DCLRE1C: variants seen among roughly 807,000 people sequenced by gnomAD.
DCLRE1C encodes DNA cross-link repair 1C.
DCLRE1C carries 47 observed loss-of-function variants against 61.4 expected under a neutral mutation model. The observed-to-expected ratio is 0.77, with a 90% CI of 0.61 to 0.98. The LOEUF is 0.98. Among genes scored for constraint, DCLRE1C ranks in the 50% least tolerant of loss-of-function variants. The pLI is 0.00. For missense variants in DCLRE1C, 858 were observed against 816.0 expected, an observed-to-expected ratio of 1.05 and a Z score of -0.63; for synonymous variants, 337 against 287.6, an observed-to-expected ratio of 1.17 and a Z score of -1.74.
intron 1 of DCLRE1C, 106 bp downstream of exon 1, chr10:14,953,796 G>C (rs191641049): frequency 1.3e-5 from 20 of 1,526,124 alleles, no homozygotes; most frequent in Middle Eastern, 2.1e-4. Context: ...CCGCCCCCTC[G>C]CTGGCTTCCC....
intron 13 of DCLRE1C, 78 bp from the exon 14 acceptor site, chr10:14,909,408 T>C: frequency 7.4e-7 from 1 of 1,349,710 alleles, no homozygotes; most frequent in Non-Finnish European, 1.0e-6. Flanking sequence ...TACTTTTAAT[T>C]CTTGGAATTG....
intron 13 of DCLRE1C, among the ~76,000 whole-genome samples, chr10:14,915,906 T>A (rs936255111): frequency 1.3e-5 from 2 of 152,178 alleles, no homozygotes; most frequent in African/African-American, 4.8e-5. Flanking sequence ...AAGGATAATA[T>A]GCCATGACTA....
At chr10:14,954,149 G>C (rs1227117608), upstream of DCLRE1C, 7 of 1,459,348 alleles carry the variant, frequency 4.8e-6, no homozygotes, top group Non-Finnish European at 5.6e-6. Context: ...AATCAGAGGA[G>C]TCCGGAGACC....
intron 11 of DCLRE1C, among the ~76,000 whole-genome samples, chr10:14,924,241 G>T (rs1395360277): frequency 6.6e-6 from 1 of 152,252 alleles, no homozygotes; most frequent in Non-Finnish European, 1.5e-5. Flanking sequence ...TATGTGGCCA[G>T]TGAGGGTTGA....
chr10:14,928,713 A>G (rs1363403113), intron 9 of DCLRE1C, among the ~76,000 whole-genome samples: 1 of 152,028 alleles, frequency 6.6e-6, no homozygotes, highest in African/African-American at 2.4e-5. Flanking sequence ...GGAGTTGGTT[A>G]TAAGTACAGA....
rs766699328 is a variant in DCLRE1C, at chr10:14,934,472, G to A, written c.586C>T (p.Arg196Trp). Residue 196 changes from arginine to tryptophan, a missense_variant, in exon 8 of 14, where the codon CGG becomes TGG. Transcript: ENST00000378278. ...VLELVRSWIT[R>W]SPYHVVWLNC... ...AGCCACACAACATGGTACGGGCTCCGAGTGATCCAGCTTCGGACCAGCTCT... is the reference window on the plus strand; with the variant it reads ...AGCCACACAACATGGTACGGGCTCCAAGTGATCCAGCTTCGGACCAGCTCT... The A allele has an allele frequency of 1.2e-5, 19 of 1,614,008 alleles. No individual in the cohort carries two copies. Among genetic ancestry groups the A allele is most frequent in the Admixed American group, 6.7e-5 (4 of 59,978 alleles).
intron 9 of DCLRE1C, among the ~76,000 whole-genome samples, chr10:14,931,610 C>G (rs1234882549): frequency 2.0e-5 from 3 of 151,862 alleles, no homozygotes; most frequent in African/African-American, 7.3e-5. Flanking sequence ...ATGTGACTTG[C>G]AAAGACACTG....
chr10:14,936,646 C>G, intron 4 of DCLRE1C, 53 bp from the exon 5 acceptor site: 2 of 1,305,936 alleles, frequency 1.5e-6, no homozygotes, highest in South Asian at 2.4e-5. Flanking sequence ...TCATTAGGAC[C>G]TAGCTCAACA....
At position 14,908,165 on chromosome 10, in the gene DCLRE1C, CTTTTTTTTTTTT is replaced by C. The variant is rs750020058; in HGVS notation, c.*231_*242del. 3 of 197,856 alleles carry C rather than the reference CTTTTTTTTTTTT, an allele frequency of 1.5e-5. No homozygotes were observed. Among genetic ancestry groups the C allele is most frequent in the East Asian group, 3.5e-4 (2 of 5,634 alleles). 12.3% of individuals were successfully genotyped at this position (197,856 alleles called of 1,614,324 possible). On this transcript the variant is annotated 3_prime_UTR_variant, in exon 14 of 14. Coordinates refer to ENST00000378278, the MANE Select transcript of DCLRE1C (RefSeq NM_001033855.3). ...CAGAGTAGCCCACCACCATGCCTGG[CTTTTTTTTTTTT>C]TTTTTTTTTTGTAAGTAGAGACACA...
In DCLRE1C at chr10:14,908,973, TCCAAACTC is replaced by T; in HGVS notation, c.1506_1513del (p.Ser503LysfsTer19). ...TGCCACTGTGGAGGAAGGGAAGTTTTCCAAACTCTCATCTGTGATTTCATCATTTCTTT... is the reference window on the plus strand; with the variant it reads ...TGCCACTGTGGAGGAAGGGAAGTTTTTCATCTGTGATTTCATCATTTCTTT... On this transcript the variant is annotated frameshift_variant, in exon 14 of 14. Transcript: ENST00000378278. LOFTEE classifies it low-confidence loss of function (END_TRUNC). 1 of 1,614,168 alleles carries T rather than the reference TCCAAACTC, an allele frequency of 6.2e-7. No individual in the cohort carries two copies. Among genetic ancestry groups the T allele is most frequent in the Non-Finnish European group, 8.5e-7 (1 of 1,180,004 alleles).
Position 14,923,035 on chromosome 10 carries a change from T to C in DCLRE1C, c.1007A>G (p.Asn336Ser). The change falls in exon 12 of 14, where the codon AAC (asparagine) becomes AGC (serine). Residue 336 changes from asparagine to serine, a missense_variant. Around this residue, in one of 2 missense-constraint regions of DCLRE1C, gnomAD observed 843 missense variants for 783.5 expected, o/e 1.08. Coordinates refer to ENST00000378278, the MANE Select transcript of DCLRE1C (RefSeq NM_001033855.3). ...AACTGGAATGACATTTGGATATGCG[T>C]TCACAGGACAGAGGTAGCTCAAGAA... is the stretch of plus-strand genomic sequence containing the variant. ...KDFLSYLCPV[N>S]AYPNVIPVGT... 1 of 1,614,136 alleles carries C rather than the reference T, an allele frequency of 6.2e-7. No homozygotes were observed. The highest frequency in any genetic ancestry group is 8.5e-7 in the Non-Finnish European group (1 of 1,179,964).
In DCLRE1C at chr10:14,945,209, A is replaced by G. The variant is rs771252973; in HGVS notation, c.162-20T>C. Reference sequence around the variant, plus strand: ...TTCAAGCTGAAAGGAAAAAAGAAAAAAACTTTCAGTACAATCCAAAATGAG... The same window carrying G: ...TTCAAGCTGAAAGGAAAAAAGAAAAGAACTTTCAGTACAATCCAAAATGAG... On this transcript the variant is annotated intron_variant, in intron 2 of 13. Transcript: ENST00000378278. The G allele has an allele frequency of 3.7e-6, 6 of 1,603,886 alleles. No homozygotes were observed. Among genetic ancestry groups the G allele is most frequent in the Non-Finnish European group, 5.1e-6 (6 of 1,172,680 alleles).
chr10:14,953,251 C>T (rs573122887), intron 1 of DCLRE1C, among the ~76,000 whole-genome samples: 3 of 152,332 alleles, frequency 2.0e-5, no homozygotes, highest in Admixed American at 1.3e-4. Context: ...AACTCTGGAA[C>T]TTAGCTCCAA....
At chr10:14,948,868 G>A (rs1411686432) in intron 2 of DCLRE1C, among the ~76,000 whole-genome samples, 168 bp downstream of exon 2, 1 of 152,060 alleles carries the variant, frequency 6.6e-6, no homozygotes, top group Admixed American at 6.6e-5. Context: ...GAGGGAATGA[G>A]TTGGGAGGTA....
At chr10:14,897,580 C>A in exon 14 of DCLRE1C, 1 of 1,341,908 alleles carries the variant, frequency 7.5e-7, no homozygotes. Flanking sequence ...TGGAAAATTA[C>A]CTTTTTATCT....
chr10:14,935,076 A>G (rs1260244431), intron 6 of DCLRE1C, among the ~76,000 whole-genome samples: 3 of 151,856 alleles, frequency 2.0e-5, no homozygotes, highest in Non-Finnish European at 2.9e-5. Flanking sequence ...CACCCACCTC[A>G]GCCTCCCAAA....
chr10:14,954,230 C>G, upstream of DCLRE1C: 1 of 686,154 alleles, frequency 1.5e-6, no homozygotes, highest in Admixed American at 2.5e-5. Flanking sequence ...ACCCGCGCTT[C>G]GCTGCACGCG....
At chr10:14,932,094 C>G (rs1330139276) in intron 9 of DCLRE1C, among the ~76,000 whole-genome samples, 1 of 151,892 alleles carries the variant, frequency 6.6e-6, no homozygotes, top group Non-Finnish European at 1.5e-5. Context: ...AGTCATGGTG[C>G]ATGTCGGTGG....
At chr10:14,939,477 C>T (rs1346759613) in intron 4 of DCLRE1C, among the ~76,000 whole-genome samples, 1 of 151,462 alleles carries the variant, frequency 6.6e-6, no homozygotes, top group South Asian at 2.1e-4. Flanking sequence ...TGGGCCCTCA[C>T]CAGACACGAA....
Sources: gnomAD v4.1 joint callset for allele counts (sites outside exome capture counted in the v4.1 genomes callset) on GRCh38, gnomAD v4.1.1 for gene constraint, gnomAD v4.1.1 regional missense constraint, MANE v1.5 for transcripts, NCBI Gene and HGNC (gene_info 2026-07-23, HGNC 2026-07-21) for gene names.